Variants in ACOXL observed in about 807,000 individuals in gnomAD.
ACOXL encodes acyl-CoA oxidase like.
A neutral mutation model predicts 71.9 loss-of-function variants in ACOXL; 70 were observed. That is an observed-to-expected ratio of 0.97 (90% CI 0.80 to 1.19). ACOXL has a LOEUF of 1.19. Ranked by LOEUF, ACOXL falls within the 50% of genes most tolerant of loss-of-function variation. The pLI is 0.00. For synonymous variants in ACOXL, 253 were observed against 281.6 expected, an observed-to-expected ratio of 0.90 and a Z score of 1.02; for missense variants, 703 against 736.3, an observed-to-expected ratio of 0.95 and a Z score of 0.52.
intron 10 of ACOXL, among the ~76,000 whole-genome samples, chr2:110,851,809 G>A (rs1488135667): frequency 6.6e-6 from 1 of 152,204 alleles, no homozygotes; most frequent in South Asian, 2.1e-4. Flanking sequence ...TCTCTGGTCC[G>A]CGGGCCTCTC....
intron 1 of ACOXL, among the ~76,000 whole-genome samples, chr2:110,734,907 A>G (rs1335640482): frequency 6.6e-6 from 1 of 151,620 alleles, no homozygotes; most frequent in Non-Finnish European, 1.5e-5. Context: ...ACATTTGTTC[A>G]TCTACAGAAT....
intron 12 of ACOXL, among the ~76,000 whole-genome samples, chr2:110,956,135 T>G (rs1452699940): frequency 6.6e-6 from 1 of 151,796 alleles, no homozygotes; most frequent in Non-Finnish European, 1.5e-5. Flanking sequence ...GGTTTGTTGG[T>G]CAGGCTGGTC....
At chr2:111,077,404 A>C (rs1327414634) in intron 16 of ACOXL, among the ~76,000 whole-genome samples, 1 of 152,192 alleles carries the variant, frequency 6.6e-6, no homozygotes, top group African/African-American at 2.4e-5. Flanking sequence ...TGGAAACCAC[A>C]TCAGACAATA....
At chr2:110,979,251 G>A (rs1230139923) in intron 12 of ACOXL, among the ~76,000 whole-genome samples, 1 of 152,156 alleles carries the variant, frequency 6.6e-6, no homozygotes, top group Non-Finnish European at 1.5e-5. Flanking sequence ...CGCCAACCAT[G>A]CTCCTTGGTG....
chr2:110,816,564 G>A (rs1387230871), intron 9 of ACOXL, among the ~76,000 whole-genome samples: 1 of 152,108 alleles, frequency 6.6e-6, no homozygotes, highest in African/African-American at 2.4e-5. Flanking sequence ...TTCCTGCAGT[G>A]CTTACTTGCT....
At chr2:110,805,151 C>T (rs973104829) in intron 8 of ACOXL, 112 bp from the exon 9 acceptor site, 37 of 1,411,848 alleles carry the variant, frequency 2.6e-5, no homozygotes, top group Non-Finnish European at 3.1e-5. Context: ...GGAAGTTCCA[C>T]GATGGGGAAA....
chr2:110,977,275 ACTCAGGAGG>A (rs2062489843), intron 12 of ACOXL, among the ~76,000 whole-genome samples: 1 of 151,874 alleles, frequency 6.6e-6, no homozygotes, highest in African/African-American at 2.4e-5. Flanking sequence ...AGTCCCAGCT[ACTCAGGAGG>A]CTGAGGCAGG....
At chr2:111,043,981 C>A (rs187762774) in intron 15 of ACOXL, among the ~76,000 whole-genome samples, 5 of 152,156 alleles carry the variant, frequency 3.3e-5, no homozygotes, top group African/African-American at 1.2e-4. Context: ...AAGGAGCCTG[C>A]CCCTCCTATG....
intron 16 of ACOXL, among the ~76,000 whole-genome samples, chr2:111,073,500 T>C (rs2067440547): frequency 6.6e-6 from 1 of 152,214 alleles, no homozygotes; most frequent in Non-Finnish European, 1.5e-5. Flanking sequence ...TTGACTATTG[T>C]GATATCTGTT....
At chr2:110,945,321 T>C (rs1454894957) in intron 12 of ACOXL, among the ~76,000 whole-genome samples, 1 of 152,168 alleles carries the variant, frequency 6.6e-6, no homozygotes, top group Non-Finnish European at 1.5e-5. Flanking sequence ...TTTCTTTTGC[T>C]GTGCAAATGC....
intron 2 of ACOXL, among the ~76,000 whole-genome samples, chr2:110,770,502 G>A (rs915945224): frequency 1.3e-5 from 2 of 152,230 alleles, no homozygotes; most frequent in African/African-American, 4.8e-5. Context: ...GCTGGAGAAC[G>A]TGCAGATGGA....
intron 1 of ACOXL, among the ~76,000 whole-genome samples, chr2:110,733,859 G>C (rs890193273): frequency 7.9e-5 from 12 of 152,104 alleles, no homozygotes; most frequent in African/African-American, 2.9e-4. Flanking sequence ...GGGAGCCCTG[G>C]GGGGACCCAA....
rs1207750820 is a variant in ACOXL, at chr2:111,056,593, C to T, written c.1440+7305C>T. The stretch of plus-strand genomic sequence containing the variant: ...CATGAGGTCAGGAGATAGAGACCAT[C>T]CTGGCTAACACGGTGAAACCCCATC... On this transcript the variant is annotated intron_variant, in intron 16 of 17. Coordinates refer to ENST00000439055, the MANE Select transcript of ACOXL (RefSeq NM_001142807.4). 1.6e-4 allele frequency among the ~76,000 whole-genome samples: 24 copies of T among 151,954 alleles called. 1 individual carries two copies. The highest frequency in any genetic ancestry group is 1.3e-4 in the Non-Finnish European group (9 of 68,006).
At chr2:111,025,855 G>A (rs937100380) in intron 14 of ACOXL, among the ~76,000 whole-genome samples, 1 of 152,126 alleles carries the variant, frequency 6.6e-6, no homozygotes, top group Non-Finnish European at 1.5e-5. Context: ...TTTCTGTTAG[G>A]TTTTCATCTA....
At chr2:110,799,636 T>A (rs1160305083) in intron 7 of ACOXL, among the ~76,000 whole-genome samples, 1 of 152,190 alleles carries the variant, frequency 6.6e-6, no homozygotes, top group South Asian at 2.1e-4. Context: ...AGAGTGGTGA[T>A]GAGAGGTGAA....
chr2:111,062,084 T>C (rs973235864), intron 16 of ACOXL, among the ~76,000 whole-genome samples: 13 of 151,764 alleles, frequency 8.6e-5, no homozygotes, highest in Non-Finnish European at 1.6e-4. Context: ...AATTATATGC[T>C]GTGTATAGGG....
chr2:110,808,248 C>T (rs1686906541), intron 9 of ACOXL, among the ~76,000 whole-genome samples: 1 of 152,110 alleles, frequency 6.6e-6, no homozygotes, highest in African/African-American at 2.4e-5. Context: ...CTGGCCCATT[C>T]TCTTGGGTTG....
intron 10 of ACOXL, among the ~76,000 whole-genome samples, chr2:110,864,551 G>T (rs1472788800): frequency 6.6e-6 from 1 of 152,182 alleles, no homozygotes; most frequent in African/African-American, 2.4e-5. Flanking sequence ...TTGGCTAAGG[G>T]CGTATAAGCT....
rs1277838984 is a variant in ACOXL, at chr2:111,021,240, C to T, written c.1282-10387C>T. ...ACTCTGACCTGGGCTCAGCATTTCA[C>T]TGGGTCTCAGAGACCAGACAAGAAT... On this transcript the variant is annotated intron_variant, in intron 14 of 17. Coordinates refer to ENST00000439055, the MANE Select transcript of ACOXL (RefSeq NM_001142807.4). Among the ~76,000 whole-genome samples the T allele has an allele frequency of 3.9e-5, 6 of 152,322 alleles. No individual in the cohort carries two copies. In the East Asian group the frequency reaches 1.2e-3, roughly 29 times the overall value.
Sources: allele counts gnomAD v4.1 joint callset (sites outside exome capture counted in the v4.1 genomes callset), GRCh38; gene constraint gnomAD v4.1.1; transcripts MANE v1.5; gene names NCBI Gene and HGNC (gene_info 2026-07-23, HGNC 2026-07-21).